Variants in WDR7 observed in about 807,000 individuals in gnomAD.
The protein encoded by WDR7 is WD repeat-containing protein 7.
In WDR7, 46 loss-of-function variants were observed where a neutral mutation model predicts 169.4. The observed-to-expected ratio is 0.27, with a 90% confidence interval of 0.21 to 0.35. The LOEUF is 0.35. Among genes scored for constraint, WDR7 ranks in the 10% least tolerant of loss-of-function variants. The pLI is 1.00. For synonymous variants in WDR7, 612 were observed against 666.8 expected (o/e 0.92, Z 1.27); for missense variants, 1,534 against 1,859.3 (o/e 0.83, Z 3.22).
intron 21 of WDR7, among the ~76,000 whole-genome samples, chr18:56,884,874 C>T (rs997687909): frequency 6.6e-6 from 1 of 152,224 alleles, no homozygotes; most frequent in Non-Finnish European, 1.5e-5. Context: ...ACTAAGGATG[C>T]TCACAGAGTC....
chr18:56,915,595 A>G (rs1462245716), intron 21 of WDR7, among the ~76,000 whole-genome samples: 1 of 152,144 alleles, frequency 6.6e-6, no homozygotes, highest in African/African-American at 2.4e-5. Flanking sequence ...GAGGAATGAA[A>G]TTGTCTTAAC....
intron 26 of WDR7, among the ~76,000 whole-genome samples, chr18:57,005,457 G>A (rs142574072): frequency 9.7e-4 from 148 of 152,172 alleles, no homozygotes; most frequent in African/African-American, 3.0e-3. Context: ...GTGCATAGGA[G>A]TATGAAATTG....
At chr18:56,781,797 C>T in intron 19 of WDR7, 141 bp downstream of exon 19, 2 of 979,494 alleles carry the variant, frequency 2.0e-6, no homozygotes, top group East Asian at 6.4e-5. Flanking sequence ...CTCAAATTCA[C>T]TTTATTATTT....
At chr18:56,977,403 C>T (rs575692267) in intron 26 of WDR7, among the ~76,000 whole-genome samples, 260 of 152,282 alleles carry the variant, frequency 1.7e-3, no homozygotes, top group Non-Finnish European at 3.0e-3. Context: ...CGGCTCTGAT[C>T]CATTCTGGCA....
chr18:56,738,097 A>C (rs1420079465), intron 14 of WDR7, among the ~76,000 whole-genome samples: 1 of 152,206 alleles, frequency 6.6e-6, no homozygotes, highest in East Asian at 1.9e-4. Flanking sequence ...TCTTAAGAAA[A>C]CAAAGGAGTA....
intron 26 of WDR7, chr18:57,010,156 A>G: frequency 1.0e-6 from 1 of 985,502 alleles, no homozygotes; most frequent in African/African-American, 1.7e-5. Context: ...ATAGCACAGT[A>G]TAAGACTTCT....
At chr18:56,776,128 A>G (rs1007409934) in intron 16 of WDR7, among the ~76,000 whole-genome samples, 6 of 152,094 alleles carry the variant, frequency 3.9e-5, no homozygotes, top group African/African-American at 7.2e-5. Flanking sequence ...CCTCTATAAG[A>G]AATATAAAAT....
intron 19 of WDR7, among the ~76,000 whole-genome samples, chr18:56,805,650 G>A (rs1402774365): frequency 6.6e-6 from 1 of 150,840 alleles, no homozygotes; most frequent in East Asian, 1.9e-4. Flanking sequence ...AGAAATCATA[G>A]GATTTTTTTT....
intron 14 of WDR7, among the ~76,000 whole-genome samples, chr18:56,753,823 A>C (rs966892232): frequency 2.6e-5 from 4 of 152,054 alleles, no homozygotes; most frequent in Non-Finnish European, 4.4e-5. Context: ...TATTTGTTAA[A>C]GCTCGGAAGG....
intron 19 of WDR7, among the ~76,000 whole-genome samples, chr18:56,803,517 A>G (rs1471651205): frequency 6.6e-6 from 1 of 151,740 alleles, no homozygotes; most frequent in Non-Finnish European, 1.5e-5. Flanking sequence ...ATTTATAAAC[A>G]TGTATCGTAA....
Position 56,949,561 on chromosome 18 carries a change from C to A in WDR7, c.4064+10168C>A, listed in dbSNP as rs568568699. ...GAATTTAAAAATCTGCTTGCGCAGA[C>A]GTGTAGTTGAAAAGTGAGGAATGTT... On this transcript the variant is annotated intron_variant, in intron 25 of 27. Transcript: ENST00000254442. Among the ~76,000 whole-genome samples the A allele has an allele frequency of 3.2e-4, 48 of 152,286 alleles. 1 individual carries two copies. Among genetic ancestry groups the A allele is most frequent in the African/African-American group, 1.1e-3 (47 of 41,572 alleles).
At position 56,938,569 on chromosome 18, in the gene WDR7, T is replaced by A. The variant is rs768367141; in HGVS notation, c.3868T>A (p.Ser1290Thr). ...RHTALAANTQ[S>T]QQNMHTTTLA... ...TACGGCTCTTGCAGCAAATACCCAA[T>A]CACAGCAGAATATGCACACAACAAC... Residue 1290 changes from serine to threonine, a missense_variant, in exon 24 of 28, where the codon TCA becomes ACA. Coordinates refer to ENST00000254442, the MANE Select transcript of WDR7 (RefSeq NM_015285.3). The A allele has an allele frequency of 6.2e-7, 1 of 1,613,718 alleles. No individual in the cohort carries two copies. Among genetic ancestry groups the A allele is most frequent in the Non-Finnish European group, 8.5e-7 (1 of 1,179,890 alleles).
chr18:56,853,075 A>C (rs2045666317), intron 20 of WDR7, among the ~76,000 whole-genome samples: 1 of 152,210 alleles, frequency 6.6e-6, no homozygotes, highest in African/African-American at 2.4e-5. Flanking sequence ...TATCTTGAAG[A>C]TTTTGTGTGT....
chr18:56,762,097 T>C (rs750907135), intron 16 of WDR7, among the ~76,000 whole-genome samples: 9 of 152,118 alleles, frequency 5.9e-5, no homozygotes, highest in Non-Finnish European at 1.2e-4. Context: ...TTGAGATGAT[T>C]GTATAACTTT....
intron 19 of WDR7, among the ~76,000 whole-genome samples, chr18:56,814,360 G>A (rs10469127): frequency 6.6e-6 from 1 of 151,924 alleles, no homozygotes; most frequent in Non-Finnish European, 1.5e-5. Flanking sequence ...TGGAGACTCA[G>A]ATATTTCAAA....
In WDR7 at chr18:56,688,340, T is replaced by G. The variant is rs1483795048; in HGVS notation, c.717+1366T>G. On this transcript the variant is annotated intron_variant, in intron 7 of 27. Transcript: ENST00000254442. Reference sequence around the variant, plus strand: ...GTCACTTACTATATTAGAATAAAATTAGGAAAAGCTAGCTGCTGCTTGCTT... The same window carrying G: ...GTCACTTACTATATTAGAATAAAATGAGGAAAAGCTAGCTGCTGCTTGCTT... Among the ~76,000 whole-genome samples the G allele has an allele frequency of 2.0e-5, 3 of 152,058 alleles. No individual in the cohort carries two copies. In the East Asian group the frequency reaches 5.8e-4, roughly 29 times the overall value.
At chr18:56,770,140 G>T (rs1809044688) in intron 16 of WDR7, among the ~76,000 whole-genome samples, 2 of 152,180 alleles carry the variant, frequency 1.3e-5, no homozygotes, top group African/African-American at 4.8e-5. Flanking sequence ...TGCTGAGGCT[G>T]TAAGGGCTGA....
intron 25 of WDR7, among the ~76,000 whole-genome samples, chr18:56,959,844 C>T (rs962935374): frequency 6.6e-6 from 1 of 152,094 alleles, no homozygotes; most frequent in Non-Finnish European, 1.5e-5. Flanking sequence ...GACTTACCAT[C>T]CTTCGTCTTG....
Position 56,935,830 on chromosome 18 carries a change from C to G in WDR7, c.3756C>G (p.Ala1252=), listed in dbSNP as rs746920107. Residue 1252 remains alanine, a synonymous_variant, in exon 23 of 28, where the codon GCC becomes GCG. Transcript: ENST00000254442. ...GLPLSPAADS[A]RSARHALSLI... Reference sequence around the variant, plus strand: ...CTCTGAGCCCAGCAGCTGACTCGGCCCGCTCTGCGAGGCATGCCCTCTCGC... The same window carrying G: ...CTCTGAGCCCAGCAGCTGACTCGGCGCGCTCTGCGAGGCATGCCCTCTCGC... The G allele has an allele frequency of 6.2e-7, 1 of 1,614,186 alleles. No individual in the cohort carries two copies. Among genetic ancestry groups the G allele is most frequent in the South Asian group, 1.1e-5 (1 of 91,078 alleles).
Sources: gnomAD v4.1 joint callset for allele counts (sites outside exome capture counted in the v4.1 genomes callset) on GRCh38, gnomAD v4.1.1 for gene constraint, MANE v1.5 for transcripts, NCBI Gene and HGNC (gene_info 2026-07-23, HGNC 2026-07-21) for gene names.